GALNT14: variants seen among roughly 807,000 people sequenced by gnomAD.
GALNT14 encodes polypeptide N-acetylgalactosaminyltransferase 14, also known as UDP-GalNAc:polypeptide N-acetylgalactosaminyltransferase 14.
GALNT14 carries 60 observed loss-of-function variants against 77.5 expected under a neutral mutation model. The observed-to-expected ratio is 0.77, with a 90% CI of 0.63 to 0.96. The LOEUF (loss-of-function observed/expected upper bound fraction) is 0.96, where lower values mean the gene tolerates loss of function less well. Among genes scored for constraint, GALNT14 ranks in the 40% least tolerant of loss-of-function variants. The probability of loss-of-function intolerance (pLI) is 0.00; values close to 1 mark genes in which losing one functional copy is unlikely to be tolerated. For missense variants in GALNT14, 710 were observed against 731.0 expected, an observed-to-expected ratio of 0.97 and a Z score of 0.33; for synonymous variants, 280 against 281.7, an observed-to-expected ratio of 0.99 and a Z score of 0.06.
At chr2:30,894,028 C>G in the GALNT14 span, among the ~76,000 whole-genome samples, 5 of 151,890 alleles carry the variant, frequency 3.3e-5, no homozygotes, top group Admixed American at 2.0e-4. Flanking sequence ...ACTTTCTAGG[C>G]GAAAAGGAAA....
chr2:30,897,511 G>A, the GALNT14 span, among the ~76,000 whole-genome samples: 1 of 152,214 alleles, frequency 6.6e-6, no homozygotes, highest in African/African-American at 2.4e-5. Flanking sequence ...CTAACTAAGG[G>A]TAAGAAGCAG....
At chr2:31,097,958 T>A (rs1385570813) in intron 1 of GALNT14, among the ~76,000 whole-genome samples, 1 of 152,172 alleles carries the variant, frequency 6.6e-6, no homozygotes, top group South Asian at 2.1e-4. Flanking sequence ...GTTTGCCTAG[T>A]TAATTTCCAT....
intron 1 of GALNT14, among the ~76,000 whole-genome samples, chr2:31,100,499 C>T (rs1677215871): frequency 6.6e-6 from 1 of 152,000 alleles, no homozygotes; most frequent in Admixed American, 6.6e-5. Flanking sequence ...GCAATCACAG[C>T]ATCTTCATAC....
chr2:31,095,629 G>T (rs778468726), intron 1 of GALNT14, among the ~76,000 whole-genome samples: 7 of 152,076 alleles, frequency 4.6e-5, no homozygotes, highest in Non-Finnish European at 8.8e-5. Flanking sequence ...ACAGAGAGAA[G>T]AAAATTTATT....
intron 10 of GALNT14, among the ~76,000 whole-genome samples, chr2:30,931,715 A>G (rs1228636288): frequency 6.6e-6 from 1 of 152,118 alleles, no homozygotes; most frequent in African/African-American, 2.4e-5. Flanking sequence ...TGGCTCTTCT[A>G]GAACTCCAAA....
intron 1 of GALNT14, among the ~76,000 whole-genome samples, chr2:31,013,920 A>C (rs1671189016): frequency 1.3e-5 from 2 of 152,242 alleles, no homozygotes; most frequent in Admixed American, 6.5e-5. Context: ...TGACAATCTA[A>C]AAATAACGAT....
In GALNT14 at chr2:31,097,253, T is replaced by A. The variant is rs147267436; in HGVS notation, c.129+40705A>T. On this transcript the variant is annotated intron_variant, in intron 1 of 14. Transcript: ENST00000349752. ...GAAGGAGAAAAGAGCTAAAGGAGAT[T>A]ACTTGAAAGTCTTTGAGGCACAGTG... Among the ~76,000 whole-genome samples the A allele has an allele frequency of 1.5e-3, 224 of 152,274 alleles. 1 individual carries two copies. The highest frequency in any genetic ancestry group is 0.01 in the Middle Eastern group (3 of 294).
At chr2:30,997,001 C>A (rs1670076909) in intron 1 of GALNT14, among the ~76,000 whole-genome samples, 1 of 152,180 alleles carries the variant, frequency 6.6e-6, no homozygotes, top group East Asian at 1.9e-4. Flanking sequence ...ATTTCAATAG[C>A]ACTTTATATT....
At chr2:30,961,252 A>G (rs1360932752) in intron 3 of GALNT14, among the ~76,000 whole-genome samples, 1 of 152,254 alleles carries the variant, frequency 6.6e-6, no homozygotes, top group Non-Finnish European at 1.5e-5. Context: ...AAATAAGGAA[A>G]TGTATTTGAA....
At chr2:30,946,933 T>C (rs931386789) in intron 6 of GALNT14, among the ~76,000 whole-genome samples, 6 of 152,190 alleles carry the variant, frequency 3.9e-5, no homozygotes, top group Non-Finnish European at 5.9e-5. Context: ...CTTTCAAAGG[T>C]TGACTTCACT....
At chr2:31,021,186 T>C (rs144391014) in intron 1 of GALNT14, among the ~76,000 whole-genome samples, 180 of 152,302 alleles carry the variant, frequency 1.2e-3, no homozygotes, top group African/African-American at 4.2e-3. Context: ...AAGGGCCATG[T>C]GGAGCTGTGG....
chr2:31,040,118 T>G (rs1396146231), intron 1 of GALNT14, among the ~76,000 whole-genome samples: 2 of 152,246 alleles, frequency 1.3e-5, no homozygotes, highest in Non-Finnish European at 2.9e-5. Flanking sequence ...TTATTTCTAT[T>G]GTATACTGTC....
intron 1 of GALNT14, among the ~76,000 whole-genome samples, chr2:31,127,442 G>A (rs1050124446): frequency 1.3e-5 from 2 of 152,168 alleles, no homozygotes; most frequent in African/African-American, 4.8e-5. Flanking sequence ...CATAAATAAA[G>A]TTTTATTGGA....
chr2:30,981,398 G>A (rs896231361), intron 2 of GALNT14, among the ~76,000 whole-genome samples: 2 of 152,206 alleles, frequency 1.3e-5, no homozygotes, highest in Admixed American at 6.5e-5. Context: ...AACTCCAGGA[G>A]CAAGCATCTC....
intron 10 of GALNT14, among the ~76,000 whole-genome samples, chr2:30,930,091 C>T (rs1387764864): frequency 6.6e-6 from 1 of 152,298 alleles, no homozygotes; most frequent in Middle Eastern, 3.4e-3. Flanking sequence ...AAACCTTTCC[C>T]CCAAAAGATA....
the GALNT14 span, among the ~76,000 whole-genome samples, chr2:30,904,205 G>A: frequency 6.6e-6 from 1 of 152,204 alleles, no homozygotes; most frequent in Non-Finnish European, 1.5e-5. Flanking sequence ...ATCTGGGGAG[G>A]AGCCAAGATG....
At chr2:31,004,095 C>T (rs1670527183) in intron 1 of GALNT14, among the ~76,000 whole-genome samples, 1 of 152,228 alleles carries the variant, frequency 6.6e-6, no homozygotes, top group African/African-American at 2.4e-5. Flanking sequence ...GACATGAGGA[C>T]TGAGAGAGCT....
chr2:30,978,139 G>A (rs1263999648), intron 2 of GALNT14, among the ~76,000 whole-genome samples: 1 of 152,200 alleles, frequency 6.6e-6, no homozygotes, highest in Non-Finnish European at 1.5e-5. Flanking sequence ...TTCTGGCCCT[G>A]CTAAACCAGC....
chr2:31,094,566 T>C (rs187376941), intron 1 of GALNT14, among the ~76,000 whole-genome samples: 6 of 152,352 alleles, frequency 3.9e-5, no homozygotes, highest in African/African-American at 1.2e-4. Flanking sequence ...GCTCCAGCAA[T>C]AGGATAGCCT....
Sources: allele counts gnomAD v4.1 joint callset (sites outside exome capture counted in the v4.1 genomes callset), GRCh38; gene constraint gnomAD v4.1.1; transcripts MANE v1.5; gene names NCBI Gene and HGNC (gene_info 2026-07-23, HGNC 2026-07-21).